The following WDR62 variants were observed in gnomAD, a reference collection of about 807,000 sequenced individuals.
The protein encoded by WDR62 is WD repeat domain 62, also known as WD repeat-containing protein 62.
Under a neutral mutation model 160.6 loss-of-function variants are expected in WDR62, and 112 were observed. The observed-to-expected ratio is 0.70, with a 90% CI of 0.60 to 0.82. The LOEUF (loss-of-function observed/expected upper bound fraction) is 0.82, where lower values mean the gene tolerates loss of function less well. Ranked by LOEUF, WDR62 falls within the 40% of genes least tolerant of loss-of-function variation. The pLI, the probability that WDR62 is intolerant of heterozygous loss-of-function variation, is 0.00. For missense variants in WDR62, 1,819 were observed against 1,983.8 expected, an observed-to-expected ratio of 0.92 and a Z score of 1.58; for synonymous variants, 792 against 815.1, an observed-to-expected ratio of 0.97 and a Z score of 0.48.
chr19:36,085,650 C>T (rs1207362805), intron 12 of WDR62, among the ~76,000 whole-genome samples: 2 of 151,918 alleles, frequency 1.3e-5, no homozygotes, highest in Admixed American at 1.3e-4. Context: ...ACCATGTTAG[C>T]CTAGGCTGAA....
At chr19:36,066,043 G>A in intron 4 of WDR62, 28 bp downstream of exon 4, 1 of 1,613,056 alleles carries the variant, frequency 6.2e-7, no homozygotes, top group Non-Finnish European at 8.5e-7. Context: ...CTGAGTGGGA[G>A]TCGGGGGCTG....
chr19:36,086,648 G>A lies in WDR62; in HGVS notation c.1643-39G>A, dbSNP rs2301735. On this transcript the variant is annotated intron_variant, in intron 12 of 31. Transcript: ENST00000401500. ...CCTTCTGGGAGGCCAGGGCACCCACGCAGCCTTCAGGAACCAGTCTCATTC... is the reference window on the plus strand; with the variant it reads ...CCTTCTGGGAGGCCAGGGCACCCACACAGCCTTCAGGAACCAGTCTCATTC... 132,570 of 1,576,082 alleles carry A rather than the reference G, an allele frequency of 0.084. 6,017 individuals carry two copies. The highest frequency in any genetic ancestry group is 0.089 in the Non-Finnish European group (103,450 of 1,159,622).
At position 36,104,823 on chromosome 19, in the gene WDR62, T is replaced by TCTC; in HGVS notation, c.4369_4371dup (p.Ser1457dup). The TCTC allele has an allele frequency of 6.2e-7, 1 of 1,613,528 alleles. No homozygotes were observed. Among genetic ancestry groups the TCTC allele is most frequent in the South Asian group, 1.1e-5 (1 of 91,076 alleles). ...CAGCAGCAGGCACGGACTGAGCTGG[T>TCTC]CTCCACCTTCCTGTGGATCCACAGC... On this transcript the variant is annotated inframe_insertion, in exon 32 of 32. Transcript: ENST00000401500.
Position 36,054,994 on chromosome 19 carries a change from G to C in WDR62, c.23G>C (p.Gly8Ala). The change falls in exon 1 of 32, where the codon GGC becomes GCC. Residue 8 changes from glycine to alanine, a missense_variant. Physicochemically the swap from Gly to Ala is moderately conservative, Grantham distance 60 (BLOSUM62 0). Transcript: ENST00000401500. The part of the protein sequence containing the change: MAAVGSG[G>A]YARNDAGEKL... ...ACGATGGCGGCCGTAGGGTCCGGAGGCTATGCGCGGAACGATGCAGGGGAG... is the reference window on the plus strand; with the variant it reads ...ACGATGGCGGCCGTAGGGTCCGGAGCCTATGCGCGGAACGATGCAGGGGAG... 1 of 1,606,272 alleles carries C rather than the reference G, an allele frequency of 6.2e-7. No individual in the cohort carries two copies. Among genetic ancestry groups the C allele is most frequent in the Non-Finnish European group, 8.5e-7 (1 of 1,177,920 alleles).
Position 36,067,817 on chromosome 19 carries a change from TGTGTCTCCAG to T in WDR62, c.700-7_702del. ...TGGACAAGTATCTCACTACGCCCTC[TGTGTCTCCAG>T]GTGACGAGCACAGTGCCCCTTGTAG... On this transcript the variant is annotated splice_acceptor_variant and splice_polypyrimidine_tract_variant and intron_variant, in intron 6 of 31. Coordinates refer to ENST00000401500, the MANE Select transcript of WDR62 (RefSeq NM_001083961.2). LOFTEE classifies it high-confidence loss of function. 1 of 1,613,806 alleles carries T rather than the reference TGTGTCTCCAG, an allele frequency of 6.2e-7. No homozygotes were observed. Among genetic ancestry groups the T allele is most frequent in the Middle Eastern group, 1.7e-4 (1 of 5,816 alleles).
At chr19:36,055,247 G>C (rs2145486430) in intron 1 of WDR62, 99 bp downstream of exon 1, 3 of 1,363,530 alleles carry the variant, frequency 2.2e-6, no homozygotes, top group Non-Finnish European at 2.0e-6. Context: ...CCCCCGGCCA[G>C]TCCCCTCAGG....
intron 16 of WDR62, 71 bp downstream of exon 16, chr19:36,090,591 AC>A: frequency 7.0e-7 from 1 of 1,434,124 alleles, no homozygotes; most frequent in Non-Finnish European, 9.8e-7. Context: ...CACACCTGAG[AC>A]CTGTGCCCTT....
chr19:36,075,805 G>A (rs1003580043), intron 9 of WDR62: 4 of 152,148 alleles, frequency 2.6e-5, no homozygotes, highest in Non-Finnish European at 5.9e-5. Flanking sequence ...GTTGCAATAT[G>A]GTGATATTCT....
chr19:36,071,774 A>G, intron 8 of WDR62, 58 bp downstream of exon 8: 1 of 1,570,534 alleles, frequency 6.4e-7, no homozygotes, highest in Non-Finnish European at 8.7e-7. Context: ...GTCCACTGGC[A>G]TTCATCCATG....
chr19:36,069,017 G>A (rs1971110431), intron 7 of WDR62, among the ~76,000 whole-genome samples: 1 of 150,702 alleles, frequency 6.6e-6, no homozygotes, highest in African/African-American at 2.4e-5. Context: ...GGGCCGGCTG[G>A]CTGGGCAGGG....
intron 19 of WDR62, 67 bp downstream of exon 19, chr19:36,092,878 G>A: frequency 6.2e-7 from 1 of 1,611,102 alleles, no homozygotes; most frequent in Non-Finnish European, 8.5e-7. Context: ...GAGTGATGCT[G>A]GGGACACAGT....
chr19:36,066,577 CT>C, intron 5 of WDR62, 150 bp downstream of exon 5: 1 of 860,548 alleles, frequency 1.2e-6, no homozygotes, highest in Non-Finnish European at 1.8e-6. Flanking sequence ...ATGCTGATCC[CT>C]TATTGTAGGG....
chr19:36,083,590 G>A (rs1030404293), intron 11 of WDR62, among the ~76,000 whole-genome samples: 5 of 152,192 alleles, frequency 3.3e-5, no homozygotes, highest in African/African-American at 1.2e-4. Flanking sequence ...GAGGGTCCTG[G>A]TGGCTCTGGG....
chr19:36,071,750 C>A, intron 8 of WDR62, 34 bp downstream of exon 8: 1 of 1,599,132 alleles, frequency 6.3e-7, no homozygotes, highest in Non-Finnish European at 8.5e-7. Flanking sequence ...ATGGGAGGGG[C>A]CCACCCAGAG....
chr19:36,086,942 T>A (rs1372281696), intron 13 of WDR62, 130 bp downstream of exon 13: 1 of 1,346,204 alleles, frequency 7.4e-7, no homozygotes, highest in African/African-American at 1.5e-5. Context: ...GTATACAGAA[T>A]AATGACTGGG....
chr19:36,071,812 A>G (rs1971316518), intron 8 of WDR62, 96 bp downstream of exon 8: 3 of 1,455,502 alleles, frequency 2.1e-6, no homozygotes, highest in Non-Finnish European at 2.8e-6. Context: ...CTGTCTGTCC[A>G]TCCCACAAAT....
Position 36,078,006 on chromosome 19 carries a change from A to G in WDR62, c.1234-3427A>G, listed in dbSNP as rs1487442854. Among the ~76,000 whole-genome samples the G allele has an allele frequency of 2.6e-5, 4 of 152,200 alleles. No homozygotes were observed. In the East Asian group the frequency reaches 5.8e-4, roughly 22 times the overall value. ...ATGTTGTAGCATGTGTCAGCACTTC[A>G]TGCCTTTTTATGGTGGAATAATATT... On this transcript the variant is annotated intron_variant, in intron 9 of 31. Coordinates refer to ENST00000401500, the MANE Select transcript of WDR62 (RefSeq NM_001083961.2).
At position 36,100,853 on chromosome 19, in the gene WDR62, G is replaced by A. The variant is rs1973286921; in HGVS notation, c.2845G>A (p.Val949Met). ...CATCCTCTACTCTCTGGAGGCAGAA[G>A]TGACAGTCACAGGGACAGACAGGTG... ...ELILYSLEAEVTVTGTDSQYC... is the reference protein window; with the variant it reads ...ELILYSLEAEMTVTGTDSQYC... Residue 949 changes from valine (V) to methionine (M), a missense_variant, in exon 23 of 32, where the codon GTG becomes ATG. Val to Met is a conservative substitution (Grantham distance 21). This residue lies in a region of WDR62 where 934 missense variants were observed against 1,157.2 expected (regional missense o/e 0.81). Transcript: ENST00000401500. 6.2e-7 allele frequency: 1 copy of A among 1,614,124 alleles called. No individual in the cohort carries two copies. Among genetic ancestry groups the A allele is most frequent in the Non-Finnish European group, 8.5e-7 (1 of 1,180,044 alleles).
intron 23 of WDR62, 112 bp downstream of exon 23, chr19:36,100,987 G>T: frequency 6.5e-7 from 1 of 1,544,562 alleles, no homozygotes; most frequent in East Asian, 2.3e-5. Flanking sequence ...AGTGGGGACA[G>T]TTGAGGCCTG....
Sources: allele counts gnomAD v4.1 joint callset (sites outside exome capture counted in the v4.1 genomes callset), GRCh38; gene constraint gnomAD v4.1.1; regional missense constraint gnomAD v4.1.1; transcripts MANE v1.5; gene names NCBI Gene and HGNC (gene_info 2026-07-23, HGNC 2026-07-21).